The following PARP8 variants were observed in gnomAD, a reference collection of about 807,000 sequenced individuals.
The protein encoded by PARP8 is protein mono-ADP-ribosyltransferase PARP8.
In PARP8, 51 loss-of-function variants were observed where a neutral mutation model predicts 124.1. The observed-to-expected ratio is 0.41, with a 90% CI of 0.33 to 0.52. The LOEUF (loss-of-function observed/expected upper bound fraction) is 0.52, where lower values mean the gene tolerates loss of function less well. Ranked by LOEUF, PARP8 falls within the 20% of genes least tolerant of loss-of-function variation. The pLI is 0.21. For synonymous variants in PARP8, 391 were observed against 361.5 expected (o/e 1.08, Z -0.93); for missense variants, 860 against 1,018.9 (o/e 0.84, Z 2.12).
chr5:50,723,128 AG>A (rs1756069341), intron 2 of PARP8, among the ~76,000 whole-genome samples: 1 of 152,134 alleles, frequency 6.6e-6, no homozygotes, highest in African/African-American at 2.4e-5. Flanking sequence ...AGTAGTAGTA[AG>A]CTAAACATTT....
intron 7 of PARP8, among the ~76,000 whole-genome samples, chr5:50,775,836 C>T (rs1357425414): frequency 6.6e-6 from 1 of 152,024 alleles, no homozygotes; most frequent in Admixed American, 6.6e-5. Context: ...TCATGTCATC[C>T]ACAAACAGGA....
intron 14 of PARP8, among the ~76,000 whole-genome samples, chr5:50,798,622 C>G (rs574094760): frequency 1.3e-5 from 2 of 152,144 alleles, no homozygotes; most frequent in East Asian, 3.9e-4. Context: ...CAGGGTTTCA[C>G]TGTGTTGGCC....
In PARP8 at chr5:50,828,961, AC is replaced by A. The variant is rs565645099; in HGVS notation, c.2163+578del. ...CTGAGAAAACAGTAAAACAAATCAC[AC>A]TTTTTACTTAAGTAGAAAAACATTA... On this transcript the variant is annotated intron_variant, in intron 21 of 25. Coordinates refer to ENST00000281631, the MANE Select transcript of PARP8 (RefSeq NM_024615.4). Among the ~76,000 whole-genome samples the A allele has an allele frequency of 1.3e-3, 202 of 152,252 alleles. 1 individual carries two copies. Among genetic ancestry groups the A allele is most frequent in the African/African-American group, 4.8e-3 (200 of 41,552 alleles).
rs1205216877 is a variant in PARP8 at position 50,843,772 on chromosome 5, A to G, written c.*1704A>G. On this transcript the variant is annotated 3_prime_UTR_variant, in exon 26 of 26. Coordinates refer to ENST00000281631, the MANE Select transcript of PARP8 (RefSeq NM_024615.4). ...ATGAGGACCTTGCTACTTTTTTGCC[A>G]AGATGCTGCAAGTCTCCCAAATCAC... 2.0e-5 allele frequency: 3 copies of G among 151,842 alleles called. No homozygotes were observed. Among genetic ancestry groups the G allele is most frequent in the Non-Finnish European group, 4.4e-5 (3 of 67,828 alleles). The allele number at this position is 151,842 out of a possible 1,614,324, so 9.4% of individuals were successfully genotyped here.
In PARP8 at chr5:50,755,294, T is replaced by C. The variant is rs1244722511; in HGVS notation, c.185-4349T>C. Among the ~76,000 whole-genome samples, 7 of 152,330 alleles carry C rather than the reference T, an allele frequency of 4.6e-5. No homozygotes were observed. In the East Asian group the frequency reaches 1.2e-3, roughly 25 times the overall value. On this transcript the variant is annotated intron_variant, in intron 3 of 25. Transcript: ENST00000281631. Reference sequence around the variant, plus strand: ...GAATGATATTGCCTAGATTTTCTTCTAGGGTTTTTATGGTGTTAGGTCTAA... The same window carrying C: ...GAATGATATTGCCTAGATTTTCTTCCAGGGTTTTTATGGTGTTAGGTCTAA...
intron 2 of PARP8, among the ~76,000 whole-genome samples, chr5:50,704,841 A>C (rs1753969215): frequency 1.3e-5 from 2 of 152,194 alleles, no homozygotes; most frequent in Admixed American, 1.3e-4. Flanking sequence ...TTAAAATAGG[A>C]ATGCATATGG....
chr5:50,764,597 C>A (rs1251106493), intron 7 of PARP8, among the ~76,000 whole-genome samples: 1 of 152,172 alleles, frequency 6.6e-6, no homozygotes, highest in African/African-American at 2.4e-5. Context: ...TATTAGGCTA[C>A]AATTGAGTGA....
At chr5:50,824,828 G>A (rs149950253) in intron 17 of PARP8, 80 bp from the exon 18 acceptor site, 118 of 1,152,476 alleles carry the variant, frequency 1.0e-4, no homozygotes, top group Non-Finnish European at 1.3e-4. Context: ...TAGGCATATC[G>A]TTTGGTCTGA....
At chr5:50,676,791 G>A (rs1750689111) in intron 2 of PARP8, among the ~76,000 whole-genome samples, 2 of 152,284 alleles carry the variant, frequency 1.3e-5, no homozygotes, top group South Asian at 4.1e-4. Flanking sequence ...GAGAAATTTA[G>A]TGAAAGATTT....
At chr5:50,811,162 T>C (rs1377290334) in intron 14 of PARP8, among the ~76,000 whole-genome samples, 1 of 152,040 alleles carries the variant, frequency 6.6e-6, no homozygotes, top group Non-Finnish European at 1.5e-5. Flanking sequence ...GAAAGAAAAG[T>C]GTTTCCATAA....
chr5:50,803,772 G>A (rs1743501326), intron 14 of PARP8, among the ~76,000 whole-genome samples: 2 of 152,094 alleles, frequency 1.3e-5, no homozygotes, highest in African/African-American at 4.8e-5. Flanking sequence ...TTTGTGTCTA[G>A]TAAATTTAAC....
rs185096203 is a variant in PARP8 at position 50,714,217 on chromosome 5, G to A, written c.147-35934G>A. ...TTTTCTTCTCTGTCAAGACTTTTTGGAACTCAATACCTTACACACAACAGC... is the reference window on the plus strand; with the variant it reads ...TTTTCTTCTCTGTCAAGACTTTTTGAAACTCAATACCTTACACACAACAGC... On this transcript the variant is annotated intron_variant, in intron 2 of 25. Transcript: ENST00000281631. 1.2e-3 allele frequency among the ~76,000 whole-genome samples: 182 copies of A among 151,400 alleles called. 1 individual carries two copies. The highest frequency in any genetic ancestry group is 2.1e-3 in the Non-Finnish European group (144 of 67,882).
chr5:50,689,940 C>T (rs771706481), intron 2 of PARP8, among the ~76,000 whole-genome samples: 5 of 152,230 alleles, frequency 3.3e-5, no homozygotes, highest in African/African-American at 7.2e-5. Context: ...CTGTACCTCA[C>T]GTCCATTCTT....
chr5:50,693,617 AATTTAT>A (rs1284310869), intron 2 of PARP8, among the ~76,000 whole-genome samples: 1 of 151,732 alleles, frequency 6.6e-6, no homozygotes, highest in Non-Finnish European at 1.5e-5. Context: ...TAATTTATAT[AATTTAT>A]ATTAATCTAT....
At chr5:50,751,034 A>G (rs1251109160) in intron 3 of PARP8, among the ~76,000 whole-genome samples, 4 of 152,168 alleles carry the variant, frequency 2.6e-5, no homozygotes, top group East Asian at 3.8e-4. Flanking sequence ...TTTATTGTAA[A>G]TACAAAAATT....
rs756662173 is a variant in PARP8, at chr5:50,841,979, C to A, written c.2476C>A (p.Gln826Lys). 6.3e-7 allele frequency: 1 copy of A among 1,594,224 alleles called. No individual in the cohort carries two copies. The highest frequency in any genetic ancestry group is 1.4e-5 in the African/African-American group (1 of 73,442). ...TRFFFVYEDG[Q>K]VGDANINTQE... Reference sequence around the variant, plus strand: ...TTTGTATTTCAGCTATGAAGACGGCCAAGTGGGAGATGCAAATATTAATAC... The same window carrying A: ...TTTGTATTTCAGCTATGAAGACGGCAAAGTGGGAGATGCAAATATTAATAC... Residue 826 changes from glutamine (Q) to lysine (K), a missense_variant, in exon 26 of 26, where the codon CAA (glutamine) becomes AAA (lysine). Gln to Lys is a moderately conservative substitution (Grantham distance 53). This residue lies in a region of PARP8 where 343 missense variants were observed against 474.7 expected (regional missense o/e 0.72). Transcript: ENST00000281631.
chr5:50,799,663 C>A (rs1178501197), intron 14 of PARP8, among the ~76,000 whole-genome samples: 1 of 152,136 alleles, frequency 6.6e-6, no homozygotes, highest in Non-Finnish European at 1.5e-5. Flanking sequence ...TTGCCATTGG[C>A]TATAGACTGG....
chr5:50,700,205 G>A (rs1462494516), intron 2 of PARP8, among the ~76,000 whole-genome samples: 1 of 152,094 alleles, frequency 6.6e-6, no homozygotes, highest in Non-Finnish European at 1.5e-5. Context: ...TAATTGCACT[G>A]GTTTAGGGGT....
intron 2 of PARP8, among the ~76,000 whole-genome samples, chr5:50,714,800 G>A (rs867511552): frequency 4.6e-5 from 7 of 152,184 alleles, no homozygotes; most frequent in African/African-American, 1.7e-4. Context: ...GCAGCTGACT[G>A]TGTGTACAAG....
Sources: allele counts gnomAD v4.1 joint callset (sites outside exome capture counted in the v4.1 genomes callset), GRCh38; gene constraint gnomAD v4.1.1; regional missense constraint gnomAD v4.1.1; transcripts MANE v1.5; gene names NCBI Gene and HGNC (gene_info 2026-07-23, HGNC 2026-07-21).